Variants in KIF13A observed in about 807,000 individuals in gnomAD.
KIF13A encodes kinesin family member 13A.
In KIF13A, 79 loss-of-function variants were observed where a neutral mutation model predicts 212.2. That is an observed-to-expected ratio of 0.37 (90% CI 0.31 to 0.45). The LOEUF is 0.45. Ranked by LOEUF, KIF13A falls within the 20% of genes least tolerant of loss-of-function variation. KIF13A has a pLI of 1.00. For missense variants in KIF13A, 1,901 were observed against 2,209.0 expected (o/e 0.86, Z 2.79); for synonymous variants, 789 against 808.6 (o/e 0.98, Z 0.41).
intron 2 of KIF13A, among the ~76,000 whole-genome samples, chr6:17,960,030 A>T (rs1052225349): frequency 6.6e-6 from 1 of 152,020 alleles, no homozygotes; most frequent in Non-Finnish European, 1.5e-5. Context: ...CTCAAAAAAA[A>T]AAAAACAACA....
intron 4 of KIF13A, among the ~76,000 whole-genome samples, chr6:17,860,842 T>C (rs9297048): frequency 0.034 from 5,111 of 152,238 alleles, 293 homozygotes; most frequent in African/African-American, 0.12. Context: ...AAGACTACAG[T>C]AGGCCTTTGT....
chr6:17,890,355 T>C (rs1771932135), intron 3 of KIF13A, among the ~76,000 whole-genome samples: 1 of 152,066 alleles, frequency 6.6e-6, no homozygotes, highest in Admixed American at 6.6e-5. Flanking sequence ...GGAAAGAAAC[T>C]TGACCCAGAT....
chr6:17,933,591 A>C (rs1465253949), intron 2 of KIF13A, among the ~76,000 whole-genome samples: 1 of 152,130 alleles, frequency 6.6e-6, no homozygotes, highest in Non-Finnish European at 1.5e-5. Flanking sequence ...AATGGGACAT[A>C]AGAAGGAGTA....
In KIF13A at chr6:17,976,970, C is replaced by G. The variant is rs536588866; in HGVS notation, c.146+10084G>C. 3.4e-3 allele frequency among the ~76,000 whole-genome samples: 523 copies of G among 151,846 alleles called. 4 individuals are homozygous for G. The highest frequency in any genetic ancestry group is 0.012 in the African/African-American group (509 of 41,422). On this transcript the variant is annotated intron_variant, in intron 2 of 38. Transcript: ENST00000259711. ...TAAAAAAATTAGCTGGGTGTGGTGG[C>G]GGGCGCCTGTAGTACCAGCTACTCG...
At chr6:17,863,163 C>T (rs1022672504) in intron 4 of KIF13A, among the ~76,000 whole-genome samples, 1 of 152,040 alleles carries the variant, frequency 6.6e-6, no homozygotes, top group African/African-American at 2.4e-5. Context: ...AACCAATTAT[C>T]GCTATTTTTC....
Position 17,915,209 on chromosome 6 carries a change from C to T in KIF13A, c.147-17029G>A, listed in dbSNP as rs1412156872. Reference sequence around the variant, plus strand: ...ATAATCCCTTAGGTTACAGTTGAGACACACAAACGGCCTTTTATGAGAGTC... The same window carrying T: ...ATAATCCCTTAGGTTACAGTTGAGATACACAAACGGCCTTTTATGAGAGTC... On this transcript the variant is annotated intron_variant, in intron 2 of 38. Transcript: ENST00000259711. This position sits in a 1 kb window ranked among gnomAD's most constrained non-coding sequence, Gnocchi z 4.4. Among the ~76,000 whole-genome samples, 1 of 152,138 alleles carries T rather than the reference C, an allele frequency of 6.6e-6. No homozygotes were observed. The highest frequency in any genetic ancestry group is 1.5e-5 in the Non-Finnish European group (1 of 68,042).
Position 17,975,591 on chromosome 6 carries a change from G to A in KIF13A, c.146+11463C>T, listed in dbSNP as rs138375634. 1.3e-3 allele frequency among the ~76,000 whole-genome samples: 201 copies of A among 152,278 alleles called. 1 individual carries two copies. The highest frequency in any genetic ancestry group is 2.2e-3 in the African/African-American group (90 of 41,564). ...CAGAACAAAACGCGAACAAGTTACT[G>A]CCGCTAGTTCGGGCAGCCTGCTTTT... is the stretch of plus-strand genomic sequence containing the variant. On this transcript the variant is annotated intron_variant, in intron 2 of 38. Transcript: ENST00000259711.
In KIF13A at chr6:17,893,832, CTTTTTT is replaced by C. The variant is rs139288852; in HGVS notation, c.159+4330_159+4335del. Among the ~76,000 whole-genome samples, 123 of 77,332 alleles carry C rather than the reference CTTTTTT, an allele frequency of 1.6e-3. 2 individuals carry two copies. Among genetic ancestry groups the C allele is most frequent in the African/African-American group, 5.2e-3 (114 of 21,960 alleles). 50.7% of individuals were successfully genotyped at this position (77,332 alleles called of 152,430 possible). A position where few individuals can be genotyped will look rare whatever the true frequency, so the allele number is the denominator to read the frequency against. On this transcript the variant is annotated intron_variant, in intron 3 of 38. Transcript: ENST00000259711. ...CTGTCAAATGCTTTTTTTCCTGCAT[CTTTTTT>C]TTTTTTTTTTTTTTTTTCTGAGACA...
intron 31 of KIF13A, 92 bp downstream of exon 31, chr6:17,780,635 ACAT>A: frequency 1.7e-6 from 2 of 1,165,070 alleles, no homozygotes; most frequent in Admixed American, 4.3e-5. Flanking sequence ...CATGTTTTGC[ACAT>A]CACAGCACCA....
At chr6:17,929,056 TC>T (rs1775740642) in intron 2 of KIF13A, among the ~76,000 whole-genome samples, 1 of 72,610 alleles carries the variant, frequency 1.4e-5, no homozygotes, top group Non-Finnish European at 2.5e-5. Flanking sequence ...GAAAAGAATT[TC>T]TCAAAAAAAA....
Position 17,773,399 on chromosome 6 carries a change from C to T in KIF13A, c.4324+79G>A. 4.0e-6 allele frequency: 3 copies of T among 759,456 alleles called. No individual in the cohort carries two copies. The highest frequency in any genetic ancestry group is 1.7e-5 in the South Asian group (1 of 59,756). The allele number at this position is 759,456 out of a possible 1,614,324, so 47.0% of individuals were successfully genotyped here. On this transcript the variant is annotated intron_variant, in intron 36 of 38. Transcript: ENST00000259711. This position sits in a 1 kb window ranked among gnomAD's most constrained non-coding sequence, Gnocchi z 4.2. ...TATCAGCTTCATATCTTATTATATG[C>T]CATTAATGAAAGACATTTTTTCATA...
intron 2 of KIF13A, among the ~76,000 whole-genome samples, chr6:17,979,073 A>C (rs1378352594): frequency 6.6e-6 from 1 of 152,202 alleles, no homozygotes; most frequent in Non-Finnish European, 1.5e-5. Context: ...CCTGGAGGCC[A>C]CTTGAGGCCG....
Position 17,773,226 on chromosome 6 carries a change from C to G in KIF13A, c.4324+252G>C, listed in dbSNP as rs1759646605. On this transcript the variant is annotated intron_variant, in intron 36 of 38. Transcript: ENST00000259711. The surrounding 1 kb of genome is among the most constrained non-coding windows in gnomAD (Gnocchi z 4.2). ...GGACTTGAAAGTCAGGAAATGATGA[C>G]AAAAAATGATTCAGAAGTTCTAAAG... is the stretch of plus-strand genomic sequence containing the variant. Among the ~76,000 whole-genome samples, 1 of 151,928 alleles carries G rather than the reference C, an allele frequency of 6.6e-6. No individual in the cohort carries two copies. Among genetic ancestry groups the G allele is most frequent in the Non-Finnish European group, 1.5e-5 (1 of 67,968 alleles).
intron 9 of KIF13A, among the ~76,000 whole-genome samples, chr6:17,848,138 T>C (rs938945351): frequency 2.6e-5 from 4 of 152,162 alleles, no homozygotes; most frequent in African/African-American, 9.7e-5. Context: ...TGACACACAA[T>C]TGTGCATATT....
intron 2 of KIF13A, among the ~76,000 whole-genome samples, chr6:17,937,272 C>A (rs1275625664): frequency 6.6e-6 from 1 of 152,162 alleles, no homozygotes; most frequent in African/African-American, 2.4e-5. Flanking sequence ...ACCAACAGAC[C>A]ATTGGAAGTC....
At chr6:17,775,360 T>C (rs1759864879) in intron 34 of KIF13A, among the ~76,000 whole-genome samples, 1 of 152,230 alleles carries the variant, frequency 6.6e-6, no homozygotes, top group Non-Finnish European at 1.5e-5. Context: ...TCTAGTCAAG[T>C]ATTGATATGT....
chr6:17,942,555 T>A (rs1372028147), intron 2 of KIF13A, among the ~76,000 whole-genome samples: 3 of 152,156 alleles, frequency 2.0e-5, no homozygotes, highest in South Asian at 2.1e-4. Flanking sequence ...ATACATTTCA[T>A]AACAGACACT....
At chr6:17,780,585 T>C (rs2150306745) in intron 31 of KIF13A, 145 bp downstream of exon 31, 1 of 730,732 alleles carries the variant, frequency 1.4e-6, no homozygotes, top group East Asian at 2.7e-5. Flanking sequence ...CCCACTACCT[T>C]GGATAAATGA....
intron 3 of KIF13A, among the ~76,000 whole-genome samples, chr6:17,885,814 A>G (rs75428660): frequency 0.022 from 3,411 of 152,280 alleles, 57 homozygotes; most frequent in Non-Finnish European, 0.036. Context: ...AACTCTTTCA[A>G]ATACTCTACT....
Sources: gnomAD v4.1 joint callset for allele counts (sites outside exome capture counted in the v4.1 genomes callset) on GRCh38, gnomAD v4.1.1 for gene constraint, Gnocchi (gnomAD v3.1) non-coding constraint, MANE v1.5 for transcripts, NCBI Gene and HGNC (gene_info 2026-07-23, HGNC 2026-07-21) for gene names.